PIWIL2: variants seen among roughly 807,000 people sequenced by gnomAD.
The protein encoded by PIWIL2 is piwi like RNA-mediated gene silencing 2, also known as piwi-like protein 2.
A neutral mutation model predicts 116.5 loss-of-function variants in PIWIL2; 81 were observed. The ratio of observed to expected loss-of-function variants is 0.70; its 90% confidence interval spans 0.58 to 0.84. PIWIL2 has a LOEUF of 0.84. Ranked by LOEUF, PIWIL2 falls within the 40% of genes least tolerant of loss-of-function variation. The pLI is 0.00. For synonymous variants in PIWIL2, 489 were observed against 429.5 expected (o/e 1.14, Z -1.71); for missense variants, 1,272 against 1,212.3 (o/e 1.05, Z -0.73).
intron 2 of PIWIL2, among the ~76,000 whole-genome samples, chr8:22,279,944 G>A (rs1410892137): frequency 1.3e-5 from 2 of 152,130 alleles, no homozygotes; most frequent in Admixed American, 6.5e-5. Flanking sequence ...GCAACAGAGC[G>A]AGACTCCATC....
chr8:22,355,847 G>A lies in PIWIL2; in HGVS notation c.*342G>A, dbSNP rs965083419. The A allele has an allele frequency of 8.2e-5, 20 of 244,050 alleles. No individual in the cohort carries two copies. Among genetic ancestry groups the A allele is most frequent in the Non-Finnish European group, 3.3e-5 (4 of 120,238 alleles). 15.1% of individuals were successfully genotyped at this position (244,050 alleles called of 1,614,324 possible). A position where few individuals can be genotyped will look rare whatever the true frequency, so the allele number is the denominator to read the frequency against. ...CAAGCACTTTGGGAGGCCGAGGCGG[G>A]TGGATCATGAGGTCAGGAGATCAAG... On this transcript the variant is annotated 3_prime_UTR_variant, in exon 23 of 23. Coordinates refer to ENST00000356766, the MANE Select transcript of PIWIL2 (RefSeq NM_018068.5).
At chr8:22,280,016 T>C (rs902774175) in intron 2 of PIWIL2, among the ~76,000 whole-genome samples, 1 of 151,538 alleles carries the variant, frequency 6.6e-6, no homozygotes, top group Non-Finnish European at 1.5e-5. Context: ...CAAGGTTGTC[T>C]TTTTTTTTCT....
In PIWIL2 at chr8:22,355,350, C is replaced by G; in HGVS notation, c.2767C>G (p.Leu923Val). 1 of 1,614,050 alleles carries G rather than the reference C, an allele frequency of 6.2e-7. No individual in the cohort carries two copies. The highest frequency in any genetic ancestry group is 1.7e-5 in the Admixed American group (1 of 60,020). ...TTATATTTTCTTCTTGGCCTACAGG[C>G]TGACTTTCAAACTGTGCCACATGTA... ...ANLSPDHMQR[L>V]TFKLCHMYWN... is the part of the protein sequence containing the mutation. The change falls in exon 23 of 23, where the codon CTG becomes GTG. Residue 923 changes from leucine to valine, a missense_variant and splice_region_variant. By Grantham distance (32) the Leu-to-Val change is conservative (BLOSUM62 1). Transcript: ENST00000356766.
At chr8:22,296,038 T>G (rs1830894797) in intron 10 of PIWIL2, among the ~76,000 whole-genome samples, 4 of 28,406 alleles carry the variant, frequency 1.4e-4, no homozygotes, top group African/African-American at 5.5e-4. Context: ...TTTTTTTTTT[T>G]TTTTTTTTTT....
At chr8:22,281,091 T>C in intron 2 of PIWIL2, 29 bp from the exon 3 acceptor site, 1 of 1,487,022 alleles carries the variant, frequency 6.7e-7, no homozygotes, top group Non-Finnish European at 9.3e-7. Flanking sequence ...AAACTACCTC[T>C]TAGAACTTTA....
chr8:22,280,077 G>T (rs553376119), intron 2 of PIWIL2, among the ~76,000 whole-genome samples: 9 of 152,234 alleles, frequency 5.9e-5, no homozygotes, highest in Admixed American at 2.0e-4. Flanking sequence ...AGTTTCTAGA[G>T]GTATGAAGAA....
intron 12 of PIWIL2, 102 bp downstream of exon 12, chr8:22,304,970 C>T (rs1046091947): frequency 7.7e-6 from 6 of 779,830 alleles, no homozygotes; most frequent in African/African-American, 1.7e-5. Context: ...GAGTAGCAAT[C>T]GTAGTGTAGT....
intron 22 of PIWIL2, among the ~76,000 whole-genome samples, chr8:22,354,752 A>G (rs1404428669): frequency 6.6e-6 from 1 of 152,074 alleles, no homozygotes; most frequent in Non-Finnish European, 1.5e-5. Flanking sequence ...AACAAGAAAT[A>G]TTTTCTCTTT....
intron 15 of PIWIL2, 56 bp from the exon 16 acceptor site, chr8:22,311,056 A>T (rs916970657): frequency 7.2e-7 from 1 of 1,381,392 alleles, no homozygotes; most frequent in South Asian, 1.3e-5. Context: ...AATCTTAAGT[A>T]TGAGTTTGGG....
At position 22,311,177 on chromosome 8, in the gene PIWIL2, C is replaced by T; in HGVS notation, c.1866C>T (p.Val622=). ...KRAMDQAREL[V]NMLEKIAGPI... ...CAATGGACCAGGCTCGAGAACTGGT[C>T]AACATGTTGGAGAAGATAGCCGGCC... is the stretch of plus-strand genomic sequence containing the variant. Residue 622 remains valine, a synonymous_variant, in exon 16 of 23, where the codon GTC becomes GTT. Transcript: ENST00000356766. 1 of 1,614,068 alleles carries T rather than the reference C, an allele frequency of 6.2e-7. No individual in the cohort carries two copies.
chr8:22,279,355 C>T lies in PIWIL2; in HGVS notation c.-32C>T, dbSNP rs776835921. 2 of 1,560,782 alleles carry T rather than the reference C, an allele frequency of 1.3e-6. No individual in the cohort carries two copies. Among genetic ancestry groups the T allele is most frequent in the Admixed American group, 3.3e-5 (2 of 59,932 alleles). On this transcript the variant is annotated 5_prime_UTR_variant, in exon 2 of 23. Coordinates refer to ENST00000356766, the MANE Select transcript of PIWIL2 (RefSeq NM_018068.5). Reference sequence around the variant, plus strand: ...AATGATGGCAGGTAATTAACCAGAACAGGATCGACACGTGTTCTCTACAGC... The same window carrying T: ...AATGATGGCAGGTAATTAACCAGAATAGGATCGACACGTGTTCTCTACAGC...
chr8:22,326,574 A>G (rs532361659), intron 20 of PIWIL2, among the ~76,000 whole-genome samples: 12 of 152,232 alleles, frequency 7.9e-5, no homozygotes, highest in Non-Finnish European at 1.5e-4. Context: ...TATTTTGCCT[A>G]TATTGTAGAG....
At position 22,304,139 on chromosome 8, in the gene PIWIL2, T is replaced by A; in HGVS notation, c.1300T>A (p.Trp434Arg). 1 of 1,613,404 alleles carries A rather than the reference T, an allele frequency of 6.2e-7. No individual in the cohort carries two copies. Among genetic ancestry groups the A allele is most frequent in the East Asian group, 2.2e-5 (1 of 44,882 alleles). ...TACCTATCGTATTGATGATGTGGAT[T>A]GGAATAAGACTCCAAAGGATAGCTT... Reference protein sequence around the residue: ...NRTYRIDDVDWNKTPKDSFTM... With the variant: ...NRTYRIDDVDRNKTPKDSFTM... Residue 434 changes from tryptophan to arginine, a missense_variant, in exon 11 of 23, where the codon TGG becomes AGG. By Grantham distance (101) the Trp-to-Arg change is moderately radical (BLOSUM62 -3). Coordinates refer to ENST00000356766, the MANE Select transcript of PIWIL2 (RefSeq NM_018068.5).
intron 20 of PIWIL2, among the ~76,000 whole-genome samples, chr8:22,331,658 A>G (rs1332715500): frequency 1.3e-5 from 2 of 152,152 alleles, no homozygotes; most frequent in South Asian, 2.1e-4. Context: ...TGACATAACA[A>G]AGTACCAGCA....
intron 17 of PIWIL2, 66 bp downstream of exon 17, chr8:22,314,495 G>GAT: frequency 1.4e-6 from 1 of 727,688 alleles, no homozygotes; most frequent in East Asian, 2.8e-5. Flanking sequence ...TGAGAAGAGG[G>GAT]ATATGTGTGT....
Position 22,279,542 on chromosome 8 carries a change from A to C in PIWIL2, c.156A>C (p.Gly52=). 6.2e-7 allele frequency: 1 copy of C among 1,614,230 alleles called. No individual in the cohort carries two copies. Among genetic ancestry groups the C allele is most frequent in the Non-Finnish European group, 8.5e-7 (1 of 1,180,038 alleles). The change falls in exon 2 of 23, where the codon GGA becomes GGC. Residue 52 remains glycine, a synonymous_variant. Transcript: ENST00000356766. ...GAPAGRGHVF[G]KPEEPSTQRG... ...CTGCAGGCAGAGGCCATGTATTTGGAAAGCCAGAGGAACCAAGCACACAGA... is the reference window on the plus strand; with the variant it reads ...CTGCAGGCAGAGGCCATGTATTTGGCAAGCCAGAGGAACCAAGCACACAGA...
At chr8:22,332,109 A>G (rs1831876535) in intron 20 of PIWIL2, among the ~76,000 whole-genome samples, 1 of 152,070 alleles carries the variant, frequency 6.6e-6, no homozygotes, top group Non-Finnish European at 1.5e-5. Flanking sequence ...CAGGTGTTCA[A>G]GACTGGCCAA....
At chr8:22,353,571 C>G (rs1171333620) in intron 21 of PIWIL2, among the ~76,000 whole-genome samples, 2 of 151,982 alleles carry the variant, frequency 1.3e-5, no homozygotes, top group East Asian at 1.9e-4. Context: ...TCGCTTGAAC[C>G]TAGGAGGCGG....
intron 20 of PIWIL2, among the ~76,000 whole-genome samples, chr8:22,343,963 A>G (rs1003550423): frequency 6.6e-6 from 1 of 152,240 alleles, no homozygotes; most frequent in Non-Finnish European, 1.5e-5. Flanking sequence ...TTTATTCATT[A>G]CTGCCAGAAC....
Sources: allele counts gnomAD v4.1 joint callset (sites outside exome capture counted in the v4.1 genomes callset), GRCh38; gene constraint gnomAD v4.1.1; transcripts MANE v1.5; gene names NCBI Gene and HGNC (gene_info 2026-07-23, HGNC 2026-07-21).